BCAS4: variants seen among roughly 807,000 people sequenced by gnomAD.
BCAS4 encodes breast carcinoma-amplified sequence 4.
A neutral mutation model predicts 15.7 loss-of-function variants in BCAS4; 9 were observed. The ratio of observed to expected loss-of-function variants is 0.57; its 90% confidence interval spans 0.34 to 1.00. The LOEUF (loss-of-function observed/expected upper bound fraction) is 1.00. Ranked by LOEUF, BCAS4 falls within the 50% of genes least tolerant of loss-of-function variation. The pLI, the probability that BCAS4 is intolerant of heterozygous loss-of-function variation, is 0.02. For synonymous variants in BCAS4, 101 were observed against 99.5 expected (o/e 1.02, Z -0.09); for missense variants, 225 against 239.1 (o/e 0.94, Z 0.39).
upstream of BCAS4, chr20:50,795,000 C>A (rs1370940595): frequency 4.5e-6 from 6 of 1,329,180 alleles, no homozygotes; most frequent in Non-Finnish European, 4.8e-6. Context: ...GGGCATGCAG[C>A]GGACCGGGGG....
chr20:50,803,319 C>T (rs1018059769), intron 1 of BCAS4, among the ~76,000 whole-genome samples: 1 of 152,206 alleles, frequency 6.6e-6, no homozygotes, highest in African/African-American at 2.4e-5. Context: ...TGCACAGCAG[C>T]GTTCAGCACA....
At chr20:50,804,220 G>A (rs2087962877) in intron 1 of BCAS4, among the ~76,000 whole-genome samples, 1 of 152,140 alleles carries the variant, frequency 6.6e-6, no homozygotes, top group Admixed American at 6.6e-5. Context: ...TGTATTTTCA[G>A]TAGAGGCGGG....
chr20:50,805,235 C>T (rs2087975737), intron 1 of BCAS4, among the ~76,000 whole-genome samples: 1 of 152,128 alleles, frequency 6.6e-6, no homozygotes, highest in Admixed American at 6.5e-5. Context: ...ACACTGCACC[C>T]GTTATCTGTC....
chr20:50,841,563 C>T (rs1032638444), intron 3 of BCAS4, among the ~76,000 whole-genome samples: 1 of 152,154 alleles, frequency 6.6e-6, no homozygotes, highest in Admixed American at 6.5e-5. Flanking sequence ...CAAGAGGCCA[C>T]CAGCGGGAGC....
chr20:50,860,942 C>T (rs1182861063), intron 4 of BCAS4, among the ~76,000 whole-genome samples: 3 of 151,462 alleles, frequency 2.0e-5, no homozygotes, highest in African/African-American at 4.9e-5. Context: ...CTGCAGTGAG[C>T]CGTGATCGTG....
chr20:50,881,843 TA>T (rs1253586379), downstream of BCAS4: 1 of 152,124 alleles, frequency 6.6e-6, no homozygotes, highest in Non-Finnish European at 1.5e-5. Flanking sequence ...GTGTTTTTAG[TA>T]AAGATGGGGT....
intron 1 of BCAS4, among the ~76,000 whole-genome samples, chr20:50,802,600 G>A (rs768977411): frequency 1.3e-5 from 2 of 152,228 alleles, no homozygotes; most frequent in African/African-American, 4.8e-5. Context: ...GGCCAGGCAT[G>A]TTGGCCCACG....
At chr20:50,807,697 G>T (rs1460887640) in intron 1 of BCAS4, among the ~76,000 whole-genome samples, 4 of 152,092 alleles carry the variant, frequency 2.6e-5, no homozygotes, top group Admixed American at 2.6e-4. Flanking sequence ...AAAGTCCATT[G>T]TATTATTTTT....
intron 4 of BCAS4, among the ~76,000 whole-genome samples, chr20:50,858,459 G>C (rs148191395): frequency 1.3e-5 from 2 of 151,978 alleles, no homozygotes; most frequent in Non-Finnish European, 2.9e-5. Context: ...AAAATTAGCC[G>C]GGCATGGTGG....
Position 50,876,826 on chromosome 20 carries a change from G to T in BCAS4, c.*218G>T, listed in dbSNP as rs182285879. 2.3e-6 allele frequency: 1 copy of T among 440,818 alleles called. No homozygotes were observed. The highest frequency in any genetic ancestry group is 2.1e-5 in the African/African-American group (1 of 48,304). 27.3% of individuals were successfully genotyped at this position (440,818 alleles called of 1,614,324 possible). ...TCCAAAGTGGTGGGATTATGGGCAG[G>T]AGCCTCCGTGCCCAGGCTGCTGCCA... On this transcript the variant is annotated 3_prime_UTR_variant, in exon 5 of 5. Coordinates refer to ENST00000371608, the MANE Select transcript of BCAS4 (RefSeq NM_198799.4).
intron 4 of BCAS4, among the ~76,000 whole-genome samples, chr20:50,860,046 C>T (rs1002254914): frequency 3.9e-5 from 6 of 152,008 alleles, no homozygotes; most frequent in Non-Finnish European, 7.4e-5. Context: ...TGAGGTAGGA[C>T]GATTGCTTGG....
chr20:50,870,834 T>A (rs535604138), intron 4 of BCAS4, among the ~76,000 whole-genome samples: 1 of 152,218 alleles, frequency 6.6e-6, no homozygotes, highest in Non-Finnish European at 1.5e-5. Flanking sequence ...GTGGGGAGAC[T>A]CTGAAAGCAG....
At chr20:50,824,909 CTTTT>C (rs1027599242) in intron 2 of BCAS4, among the ~76,000 whole-genome samples, 1 of 152,070 alleles carries the variant, frequency 6.6e-6, no homozygotes, top group African/African-American at 2.4e-5. Flanking sequence ...TTTGGTTTTA[CTTTT>C]TTTGTTTTTT....
At chr20:50,805,179 A>G (rs2087975061) in intron 1 of BCAS4, among the ~76,000 whole-genome samples, 1 of 152,204 alleles carries the variant, frequency 6.6e-6, no homozygotes, top group African/African-American at 2.4e-5. Context: ...TTGTACAACC[A>G]TCAACCACAA....
At chr20:50,840,922 C>A (rs902690595) in intron 3 of BCAS4, 15 of 581,336 alleles carry the variant, frequency 2.6e-5, no homozygotes, top group Admixed American at 1.2e-4. Context: ...CTCCGCCTCC[C>A]GGGTTCAAGT....
intron 4 of BCAS4, among the ~76,000 whole-genome samples, chr20:50,849,291 G>A (rs1211329468): frequency 1.3e-5 from 2 of 152,248 alleles, no homozygotes; most frequent in Non-Finnish European, 2.9e-5. Flanking sequence ...AGCTGACTGG[G>A]CCAACTCCTG....
intron 4 of BCAS4, among the ~76,000 whole-genome samples, chr20:50,866,958 C>T (rs1014002225): frequency 2.0e-5 from 3 of 152,136 alleles, no homozygotes; most frequent in Admixed American, 6.6e-5. Context: ...GTAAATGCTC[C>T]GTTCTCGGTC....
Position 50,841,985 on chromosome 20 carries a change from G to A in BCAS4, c.399+85G>A, listed in dbSNP as rs187032416. ...CAGCGTGGGGAGGAGCATGCAGGAA[G>A]CAGAGTTCAGGGGGGCACATTTCAC... On this transcript the variant is annotated intron_variant, in intron 4 of 4. Transcript: ENST00000371608. 3.4e-4 allele frequency: 485 copies of A among 1,444,436 alleles called. 5 individuals carry two copies. The East Asian group carries it at 7.2e-3, about 22-fold the overall frequency. 89.5% of individuals were successfully genotyped at this position (1,444,436 alleles called of 1,614,324 possible). A position where few individuals can be genotyped will look rare whatever the true frequency, so the allele number is the denominator to read the frequency against.
chr20:50,875,398 TTTG>T (rs1331717732), intron 4 of BCAS4, among the ~76,000 whole-genome samples: 2 of 152,110 alleles, frequency 1.3e-5, no homozygotes, highest in East Asian at 1.9e-4. Context: ...TTAAAATGGT[TTTG>T]TTTTTTGAAA....
Sources: allele counts gnomAD v4.1 joint callset (sites outside exome capture counted in the v4.1 genomes callset), GRCh38; gene constraint gnomAD v4.1.1; transcripts MANE v1.5; gene names NCBI Gene and HGNC (gene_info 2026-07-23, HGNC 2026-07-21).